PPP2R5E: variants seen among roughly 807,000 people sequenced by gnomAD.
PPP2R5E encodes the protein protein phosphatase 2 regulatory subunit B'epsilon, also known as serine/threonine-protein phosphatase 2A 56 kDa regulatory subunit epsilon isoform.
In PPP2R5E, 4 loss-of-function variants were observed where a neutral mutation model predicts 65.3. The observed-to-expected ratio is 0.06, with a 90% CI of 0.03 to 0.14. The LOEUF is 0.14. Ranked by LOEUF, PPP2R5E falls within the 10% of genes least tolerant of loss-of-function variation. The pLI is 1.00. For synonymous variants in PPP2R5E, 183 were observed against 187.4 expected, an observed-to-expected ratio of 0.98 and a Z score of 0.19; for missense variants, 274 against 556.1, an observed-to-expected ratio of 0.49 and a Z score of 5.10.
chr14:63,401,495 C>G (rs936293636), intron 5 of PPP2R5E, among the ~76,000 whole-genome samples: 1 of 152,136 alleles, frequency 6.6e-6, no homozygotes. Context: ...CAAAAACCAG[C>G]CTTCTTGAAG....
chr14:63,506,395 G>C (rs971099007), intron 2 of PPP2R5E, among the ~76,000 whole-genome samples: 4 of 152,126 alleles, frequency 2.6e-5, no homozygotes, highest in African/African-American at 9.7e-5. Flanking sequence ...ACCTTGCAGT[G>C]AGCCGAGACT....
At chr14:63,460,771 C>A (rs187286822) in intron 2 of PPP2R5E, among the ~76,000 whole-genome samples, 4 of 152,306 alleles carry the variant, frequency 2.6e-5, no homozygotes, top group African/African-American at 9.6e-5. Flanking sequence ...CCAAAGGTCA[C>A]CACCACTAGT....
At chr14:63,494,970 G>A (rs1410833582) in intron 2 of PPP2R5E, among the ~76,000 whole-genome samples, 1 of 152,066 alleles carries the variant, frequency 6.6e-6, no homozygotes, top group African/African-American at 2.4e-5. Flanking sequence ...TTGGAAGGCT[G>A]AGGCAGGCGG....
Position 63,467,207 on chromosome 14 carries a change from A to G in PPP2R5E, c.158-13322T>C, listed in dbSNP as rs113337054. On this transcript the variant is annotated intron_variant, in intron 2 of 13. Coordinates refer to ENST00000337537, the MANE Select transcript of PPP2R5E (RefSeq NM_006246.5). ...TGCCACTGTCCAGCCTGGGTGACAG[A>G]GCAAGACTCCGTCTCAAAAAAAACA... Among the ~76,000 whole-genome samples the G allele has an allele frequency of 1.9e-3, 277 of 146,580 alleles. 2 individuals carry two copies. Among genetic ancestry groups the G allele is most frequent in the African/African-American group, 6.9e-3 (261 of 37,842 alleles).
intron 2 of PPP2R5E, among the ~76,000 whole-genome samples, chr14:63,539,123 C>T (rs2139776674): frequency 6.6e-6 from 1 of 152,186 alleles, no homozygotes; most frequent in South Asian, 2.1e-4. Context: ...ATACCATTTT[C>T]TATATGTAAA....
chr14:63,520,175 A>T (rs948509002), intron 2 of PPP2R5E, among the ~76,000 whole-genome samples: 1 of 151,968 alleles, frequency 6.6e-6, no homozygotes, highest in African/African-American at 2.4e-5. Context: ...AGCTGGGACT[A>T]CTGGCGCCCG....
chr14:63,441,708 G>A (rs1566704978), intron 3 of PPP2R5E, among the ~76,000 whole-genome samples: 1 of 152,096 alleles, frequency 6.6e-6, no homozygotes. Flanking sequence ...TCAGGAGATT[G>A]AGACCATCCT....
At chr14:63,418,482 C>A (rs1005645516) in intron 4 of PPP2R5E, among the ~76,000 whole-genome samples, 1 of 152,196 alleles carries the variant, frequency 6.6e-6, no homozygotes, top group African/African-American at 2.4e-5. Flanking sequence ...AAAAATCTCC[C>A]TTAAGTTTCT....
At chr14:63,415,523 C>T (rs1459281506) in intron 4 of PPP2R5E, among the ~76,000 whole-genome samples, 1 of 152,162 alleles carries the variant, frequency 6.6e-6, no homozygotes, top group Non-Finnish European at 1.5e-5. Context: ...CCTTCTACAA[C>T]ATACTAATGT....
chr14:63,537,837 C>T (rs948093316), intron 2 of PPP2R5E, among the ~76,000 whole-genome samples: 1 of 152,132 alleles, frequency 6.6e-6, no homozygotes, highest in African/African-American at 2.4e-5. Flanking sequence ...CATAAACATC[C>T]ACCTCAAAGG....
intron 5 of PPP2R5E, among the ~76,000 whole-genome samples, chr14:63,399,366 C>CTTTCTTTTTTTT (rs1885604828): frequency 9.1e-4 from 44 of 48,526 alleles, no homozygotes; most frequent in Non-Finnish European, 1.4e-3. Context: ...GGATTTCTTT[C>CTTTCTTTTTTTT]TTTTTTTTTT....
At chr14:63,529,837 CTTGCATATAAATA>C (rs1893339393) in intron 2 of PPP2R5E, among the ~76,000 whole-genome samples, 1 of 152,286 alleles carries the variant, frequency 6.6e-6, no homozygotes, top group African/African-American at 2.4e-5. Context: ...TATGCCCTGT[CTTGCATATAAATA>C]TTGCATATAA....
chr14:63,491,617 G>A (rs150646920), intron 2 of PPP2R5E, among the ~76,000 whole-genome samples: 4 of 152,230 alleles, frequency 2.6e-5, no homozygotes, highest in African/African-American at 9.6e-5. Context: ...GGAGGCCAAG[G>A]TGGGCAGATC....
intron 2 of PPP2R5E, among the ~76,000 whole-genome samples, chr14:63,503,152 A>ATT (rs35863054): frequency 0.01 from 1,522 of 150,136 alleles, 31 homozygotes; most frequent in African/African-American, 0.035. Context: ...AAAGTTAGCC[A>ATT]TTTTTTTTTT....
intron 2 of PPP2R5E, among the ~76,000 whole-genome samples, chr14:63,467,183 G>C (rs1889862010): frequency 2.1e-5 from 3 of 146,306 alleles, no homozygotes; most frequent in Admixed American, 2.0e-4. Flanking sequence ...CCGAGATCTT[G>C]CCACTGTCCA....
chr14:63,399,023 T>A (rs1330232192), intron 5 of PPP2R5E, among the ~76,000 whole-genome samples: 1 of 152,178 alleles, frequency 6.6e-6, no homozygotes, highest in East Asian at 1.9e-4. Context: ...CATGTATATA[T>A]CCAGCAGAAC....
At chr14:63,449,322 G>A (rs1768097486) in intron 3 of PPP2R5E, among the ~76,000 whole-genome samples, 1 of 152,184 alleles carries the variant, frequency 6.6e-6, no homozygotes, top group South Asian at 2.1e-4. Context: ...TAAGTACAAA[G>A]AAGTAACAGT....
chr14:63,412,839 G>A (rs1178418658), intron 5 of PPP2R5E, among the ~76,000 whole-genome samples: 1 of 152,300 alleles, frequency 6.6e-6, no homozygotes, highest in East Asian at 1.9e-4. Flanking sequence ...TACTATGTAT[G>A]AGGCTATGAG....
chr14:63,387,084 C>T (rs1008150743), intron 11 of PPP2R5E, among the ~76,000 whole-genome samples: 2 of 151,922 alleles, frequency 1.3e-5, no homozygotes, highest in African/African-American at 4.8e-5. Flanking sequence ...AAGCAAATGA[C>T]GTAACTGACA....
Sources: gnomAD v4.1 joint callset for allele counts (sites outside exome capture counted in the v4.1 genomes callset) on GRCh38, gnomAD v4.1.1 for gene constraint, MANE v1.5 for transcripts, NCBI Gene and HGNC (gene_info 2026-07-23, HGNC 2026-07-21) for gene names.